The following KCNQ1 variants were observed in gnomAD, a reference collection of about 807,000 sequenced individuals.
KCNQ1 encodes potassium voltage-gated channel subfamily KQT member 1.
KCNQ1 carries 49 observed loss-of-function variants against 72.4 expected under a neutral mutation model. The observed-to-expected ratio is 0.68, with a 90% CI of 0.54 to 0.86. KCNQ1 has a LOEUF of 0.86. Ranked by LOEUF, KCNQ1 falls within the 40% of genes least tolerant of loss-of-function variation. The pLI is 0.00. For missense variants in KCNQ1, 790 were observed against 945.1 expected, an observed-to-expected ratio of 0.84 and a Z score of 2.15; for synonymous variants, 450 against 412.6, an observed-to-expected ratio of 1.09 and a Z score of -1.10.
At chr11:2,622,165 G>A (rs1849184046) in intron 10 of KCNQ1, 3 of 398,168 alleles carry the variant, frequency 7.5e-6, no homozygotes, top group African/African-American at 2.1e-5. Flanking sequence ...AAGTCCCTAA[G>A]TATTATTGTA....
At position 2,687,634 on chromosome 11, in the gene KCNQ1, C is replaced by T. The variant is rs1343429505; in HGVS notation, c.1514+25553C>T. 5.0e-6 allele frequency: 2 copies of T among 398,552 alleles called. No individual in the cohort carries two copies. Among genetic ancestry groups the T allele is most frequent in the East Asian group, 7.1e-5 (2 of 28,090 alleles). The allele number at this position is 398,552 out of a possible 1,614,324, so 24.7% of individuals were successfully genotyped here. On this transcript the variant is annotated intron_variant, in intron 11 of 15. Coordinates refer to ENST00000155840, the MANE Select transcript of KCNQ1 (RefSeq NM_000218.3). This position sits in a 1 kb window ranked among gnomAD's most constrained non-coding sequence, Gnocchi z 5.0. ...ATCCCTTCTCCATTCCTCTCAGGCCCCTGTAAAAATTGGGACCTGTCCTTG... is the reference window on the plus strand; with the variant it reads ...ATCCCTTCTCCATTCCTCTCAGGCCTCTGTAAAAATTGGGACCTGTCCTTG...
rs527416148 is a variant in KCNQ1 at position 2,785,440 on chromosome 11, GA to G, written c.1794+7413del. ...TTCAACCTAGGAAAGCTGATTGAAA[GA>G]AAAAAAAAAGAATGTACTTTATATT... On this transcript the variant is annotated intron_variant, in intron 15 of 15. Transcript: ENST00000155840. The surrounding 1 kb of genome is among the most constrained non-coding windows in gnomAD (Gnocchi z 4.4). Among the ~76,000 whole-genome samples, 164 of 146,442 alleles carry G rather than the reference GA, an allele frequency of 1.1e-3. No homozygotes were observed. The highest frequency in any genetic ancestry group is 1.6e-3 in the African/African-American group (64 of 40,136).
chr11:2,578,664 T>C (rs1368344189), intron 6 of KCNQ1, among the ~76,000 whole-genome samples: 1 of 152,234 alleles, frequency 6.6e-6, no homozygotes, highest in Admixed American at 6.5e-5. Flanking sequence ...CCGCATGGGA[T>C]GTCCCGGAGC....
chr11:2,768,895 C>A lies in KCNQ1; in HGVS notation c.1566C>A (p.Tyr522Ter), dbSNP rs776300736. ...ATIKVIRRMQYFVAKKKFQQA... is the reference protein window; with the variant it reads ...ATIKVIRRMQ Reference sequence around the variant, plus strand: ...TTAAGGTCATTCGACGCATGCAGTACTTTGTGGCCAAGAAGAAATTCCAGG... The same window carrying A: ...TTAAGGTCATTCGACGCATGCAGTAATTTGTGGCCAAGAAGAAATTCCAGG... Residue 522 changes from tyrosine to a stop codon, truncating the protein, a stop_gained, in exon 12 of 16, where the codon TAC (tyrosine) becomes TAA (stop). Coordinates refer to ENST00000155840, the MANE Select transcript of KCNQ1 (RefSeq NM_000218.3). LOFTEE classifies it high-confidence loss of function. This position sits in a 1 kb window ranked among gnomAD's most constrained non-coding sequence, Gnocchi z 6.7. 6.2e-7 allele frequency: 1 copy of A among 1,614,024 alleles called. No homozygotes were observed. Among genetic ancestry groups the A allele is most frequent in the Non-Finnish European group, 8.5e-7 (1 of 1,179,934 alleles).
rs1016391395 is a variant in KCNQ1 at position 2,509,769 on chromosome 11, C to T, written c.387-18159C>T. On this transcript the variant is annotated intron_variant, in intron 1 of 15. Transcript: ENST00000155840. The surrounding 1 kb of genome is among the most constrained non-coding windows in gnomAD (Gnocchi z 6.3). The stretch of plus-strand genomic sequence containing the variant: ...AAGAGGGGCTTCCGGGGGTGGGGAG[C>T]GGGGCTGGGCGGCTGCTGGCTGAGC... 5.9e-5 allele frequency among the ~76,000 whole-genome samples: 9 copies of T among 151,328 alleles called. No individual in the cohort carries two copies. The South Asian group carries it at 6.3e-4, about 11-fold the overall frequency.
At chr11:2,614,290 A>G in intron 10 of KCNQ1, 1 of 398,548 alleles carries the variant, frequency 2.5e-6, no homozygotes, top group East Asian at 3.6e-5. Context: ...GACATTTAAT[A>G]TAGAGTCTTC....
chr11:2,641,155 C>T (rs1849570414), intron 10 of KCNQ1: 5 of 398,376 alleles, frequency 1.3e-5, no homozygotes, highest in Non-Finnish European at 1.3e-5. Context: ...TTTTAGTATA[C>T]TGATATCTTT....
chr11:2,631,309 T>G (rs1057333384), intron 10 of KCNQ1: 1 of 398,454 alleles, frequency 2.5e-6, no homozygotes, highest in Non-Finnish European at 4.4e-6. Flanking sequence ...CTGGTTATTT[T>G]CAAATAATTT....
intron 2 of KCNQ1, among the ~76,000 whole-genome samples, chr11:2,530,484 C>T (rs1363099663): frequency 6.6e-6 from 1 of 152,246 alleles, no homozygotes; most frequent in Non-Finnish European, 1.5e-5. Context: ...AAACATTCCC[C>T]TGGAGAGTCT....
rs1848258964 is a variant in KCNQ1, at chr11:2,567,053, A to G, written c.478-3575A>G. Among the ~76,000 whole-genome samples the G allele has an allele frequency of 6.6e-6, 1 of 151,128 alleles. No individual in the cohort carries two copies. Among genetic ancestry groups the G allele is most frequent in the South Asian group, 2.1e-4 (1 of 4,772 alleles). ...AGGGGTGCCCCAGGGAATGGGGGGC[A>G]CCTGGGGCCCACGGGAGGCTCTGGG... On this transcript the variant is annotated intron_variant, in intron 2 of 15. Transcript: ENST00000155840. This position sits in a 1 kb window ranked among gnomAD's most constrained non-coding sequence, Gnocchi z 6.6.
intron 11 of KCNQ1, among the ~76,000 whole-genome samples, chr11:2,742,495 T>A (rs912421402): frequency 6.6e-6 from 1 of 152,170 alleles, no homozygotes; most frequent in Non-Finnish European, 1.5e-5. Flanking sequence ...ATGTGGTGGA[T>A]TCATCCCAAT....
In KCNQ1 at chr11:2,446,718, T is replaced by TG. The variant is rs35495919; in HGVS notation, c.386+1240dup. ...CCACCTCCCTCCTCAAAGATGTGGT[T>TG]GGGGGGTGATCTTGGAGACTTTTCC... On this transcript the variant is annotated intron_variant, in intron 1 of 15. Coordinates refer to ENST00000155840, the MANE Select transcript of KCNQ1 (RefSeq NM_000218.3). This position sits in a 1 kb window ranked among gnomAD's most constrained non-coding sequence, Gnocchi z 8.8. Among the ~76,000 whole-genome samples the TG allele has an allele frequency of 6.9e-3, 1,045 of 152,192 alleles. 11 individuals are homozygous for TG. Among genetic ancestry groups the TG allele is most frequent in the African/African-American group, 0.024 (991 of 41,516 alleles).
chr11:2,649,107 A>G, intron 10 of KCNQ1: 1 of 395,008 alleles, frequency 2.5e-6, no homozygotes, highest in Non-Finnish European at 4.4e-6. Context: ...GTGTCTTTAC[A>G]GGTGAAGTCA....
At position 2,659,885 on chromosome 11, in the gene KCNQ1, G is replaced by A. The variant is rs1590012990; in HGVS notation, c.1394-2076G>A. On this transcript the variant is annotated intron_variant, in intron 10 of 15. Transcript: ENST00000155840. The surrounding 1 kb of genome is among the most constrained non-coding windows in gnomAD (Gnocchi z 4.3). The stretch of plus-strand genomic sequence containing the variant: ...TTATTTATAATCCATTTTTAAAATT[G>A]GATTGTTCACTTTATTGTCAAGTTG... 1 of 398,128 alleles carries A rather than the reference G, an allele frequency of 2.5e-6. No individual in the cohort carries two copies. Among genetic ancestry groups the A allele is most frequent in the Non-Finnish European group, 4.4e-6 (1 of 225,904 alleles). The allele number at this position is 398,128 out of a possible 1,614,324, so 24.7% of individuals were successfully genotyped here.
At position 2,766,796 on chromosome 11, in the gene KCNQ1, G is replaced by C. The variant is rs1846506035; in HGVS notation, c.1515-2048G>C. Reference sequence around the variant, plus strand: ...TTAATGCTGTAAGTTTTAGGATATTGATATGACATTACCTATTTCTTAGTC... The same window carrying C: ...TTAATGCTGTAAGTTTTAGGATATTCATATGACATTACCTATTTCTTAGTC... On this transcript the variant is annotated intron_variant, in intron 11 of 15. Transcript: ENST00000155840. The surrounding 1 kb of genome is among the most constrained non-coding windows in gnomAD (Gnocchi z 4.4). Among the ~76,000 whole-genome samples, 1 of 152,184 alleles carries C rather than the reference G, an allele frequency of 6.6e-6. No individual in the cohort carries two copies. The highest frequency in any genetic ancestry group is 1.5e-5 in the Non-Finnish European group (1 of 68,032).
chr11:2,680,199 G>T (rs1850368497), intron 11 of KCNQ1: 1 of 371,478 alleles, frequency 2.7e-6, no homozygotes, highest in African/African-American at 2.6e-5. Flanking sequence ...GCCTCAGCTT[G>T]CCTAATTAAA....
intron 10 of KCNQ1, among the ~76,000 whole-genome samples, chr11:2,594,755 T>C (rs1278630700): frequency 1.3e-5 from 2 of 152,216 alleles, no homozygotes; most frequent in East Asian, 3.8e-4. Context: ...TAGCATCTTG[T>C]ACCTTTCTCA....
intron 15 of KCNQ1, among the ~76,000 whole-genome samples, chr11:2,819,595 A>G (rs949770364): frequency 7.9e-5 from 12 of 152,206 alleles, no homozygotes; most frequent in African/African-American, 2.9e-4. Flanking sequence ...ATTTGGGCCT[A>G]GAATTTTCTT....
intron 11 of KCNQ1, among the ~76,000 whole-genome samples, chr11:2,760,610 C>G (rs1156436501): frequency 1.3e-5 from 2 of 152,132 alleles, no homozygotes; most frequent in African/African-American, 4.8e-5. Flanking sequence ...GGAGGGTGGC[C>G]CAGCCCAGGC....
Sources: gnomAD v4.1 joint callset for allele counts (sites outside exome capture counted in the v4.1 genomes callset) on GRCh38, gnomAD v4.1.1 for gene constraint, Gnocchi (gnomAD v3.1) non-coding constraint, MANE v1.5 for transcripts, NCBI Gene and HGNC (gene_info 2026-07-23, HGNC 2026-07-21) for gene names.